Variants in SRPK2 observed in about 807,000 individuals in gnomAD.
SRPK2 encodes the protein SFRS protein kinase 2.
A neutral mutation model predicts 90.8 loss-of-function variants in SRPK2; 21 were observed. The observed-to-expected ratio is 0.23, with a 90% CI of 0.16 to 0.33. SRPK2 has a LOEUF of 0.33. Among genes scored for constraint, SRPK2 ranks in the 10% least tolerant of loss-of-function variants. SRPK2 has a pLI of 1.00. For missense variants in SRPK2, 620 were observed against 869.0 expected (o/e 0.71, Z 3.60); for synonymous variants, 288 against 311.1 (o/e 0.93, Z 0.78).
intron 2 of SRPK2, among the ~76,000 whole-genome samples, chr7:105,374,002 C>G (rs1251960644): frequency 6.6e-6 from 1 of 152,166 alleles, no homozygotes; most frequent in Non-Finnish European, 1.5e-5. Context: ...ATCTTGGCTC[C>G]CTGCAACGTC....
chr7:105,283,150 T>C (rs1042266865), intron 2 of SRPK2, among the ~76,000 whole-genome samples: 1 of 152,224 alleles, frequency 6.6e-6, no homozygotes, highest in Admixed American at 6.5e-5. Context: ...TACCTATTAT[T>C]GGTGAGGAGA....
intron 2 of SRPK2, among the ~76,000 whole-genome samples, chr7:105,219,817 A>T (rs1797884913): frequency 6.6e-6 from 1 of 152,218 alleles, no homozygotes; most frequent in Admixed American, 6.5e-5. Context: ...TTTCCTACTC[A>T]TTTATTTTCC....
chr7:105,169,046 A>C (rs1790469151), intron 4 of SRPK2, 111 bp downstream of exon 4: 1 of 852,806 alleles, frequency 1.2e-6, no homozygotes, highest in Non-Finnish European at 1.8e-6. Context: ...GCCTGTGCTA[A>C]GCACTTCACA....
chr7:105,128,789 T>C (rs1298384740), intron 13 of SRPK2, among the ~76,000 whole-genome samples: 1 of 152,174 alleles, frequency 6.6e-6, no homozygotes, highest in Non-Finnish European at 1.5e-5. Context: ...ACTCAACCTC[T>C]TGGGCTCCAG....
chr7:105,262,372 C>T (rs1804419414), intron 2 of SRPK2, among the ~76,000 whole-genome samples: 1 of 152,080 alleles, frequency 6.6e-6, no homozygotes, highest in Admixed American at 6.5e-5. Flanking sequence ...CTTGGACAGA[C>T]CTAAGGTGGC....
chr7:105,157,574 A>G (rs1386509897), intron 7 of SRPK2, among the ~76,000 whole-genome samples: 1 of 152,092 alleles, frequency 6.6e-6, no homozygotes, highest in Admixed American at 6.5e-5. Flanking sequence ...TCCAGATTCC[A>G]TGATAATATT....
At chr7:105,394,574 C>T (rs141719916) in intron 1 of SRPK2, among the ~76,000 whole-genome samples, 50 of 152,348 alleles carry the variant, frequency 3.3e-4, no homozygotes, top group African/African-American at 1.1e-3. Context: ...TACTAGTCCT[C>T]ATAGGTCAGT....
At chr7:105,290,197 CA>C (rs56311004) in intron 2 of SRPK2, among the ~76,000 whole-genome samples, 4,682 of 133,734 alleles carry the variant, frequency 0.035, 75 homozygotes, top group East Asian at 0.074. Context: ...ACAGGCTCTT[CA>C]AAAAAAAAAA....
intron 2 of SRPK2, among the ~76,000 whole-genome samples, chr7:105,205,509 TCTCTCTCTCA>T (rs1796082208): frequency 1.5e-5 from 1 of 67,334 alleles, no homozygotes; most frequent in East Asian, 3.4e-4. Context: ...TCTCTCTCTC[TCTCTCTCTCA>T]CACACACACA....
chr7:105,310,310 G>A (rs1403121689), intron 2 of SRPK2, among the ~76,000 whole-genome samples: 5 of 152,142 alleles, frequency 3.3e-5, no homozygotes, highest in Admixed American at 2.6e-4. Flanking sequence ...TGCACAGAAC[G>A]CAGCAAGGCT....
At chr7:105,200,419 TA>T (rs2129609224) in intron 3 of SRPK2, among the ~76,000 whole-genome samples, 1 of 152,078 alleles carries the variant, frequency 6.6e-6, no homozygotes, top group Admixed American at 6.6e-5. Context: ...TCAAAACATA[TA>T]AGGAGAGTAA....
intron 2 of SRPK2, chr7:105,302,037 T>C: frequency 1.3e-6 from 2 of 1,569,700 alleles, no homozygotes; most frequent in Admixed American, 1.7e-5. Context: ...TGGAACTGGG[T>C]TGATGTTGTG....
chr7:105,116,152 G>A (rs563836721), downstream of SRPK2, among the ~76,000 whole-genome samples: 3 of 152,122 alleles, frequency 2.0e-5, no homozygotes, highest in African/African-American at 7.2e-5. Context: ...TGGATGAAAA[G>A]GGATCATTGA....
At chr7:105,223,921 A>G (rs1297200483) in intron 2 of SRPK2, among the ~76,000 whole-genome samples, 1 of 152,224 alleles carries the variant, frequency 6.6e-6, no homozygotes, top group African/African-American at 2.4e-5. Flanking sequence ...TAACATATAA[A>G]AAATATTGCT....
rs1243147078 is a variant in SRPK2, at chr7:105,132,662, C to T, written c.1752+129G>A. ...CTGCGGCAGCAACCTTCCCCTCACC[C>T]AGCCCACGGTGGATGACCCTTACAG... On this transcript the variant is annotated intron_variant, in intron 13 of 15. Transcript: ENST00000393651. 6 of 704,110 alleles carry T rather than the reference C, an allele frequency of 8.5e-6. No individual in the cohort carries two copies. In the East Asian group the frequency reaches 1.6e-4, roughly 19 times the overall value. 43.6% of individuals were successfully genotyped at this position (704,110 alleles called of 1,614,324 possible).
At chr7:105,321,426 T>C (rs10953475) in intron 2 of SRPK2, among the ~76,000 whole-genome samples, 63,851 of 152,084 alleles carry the variant, frequency 0.42, 15,376 homozygotes, top group Non-Finnish European at 0.54. Flanking sequence ...AACAGATTCT[T>C]AGATATAACA....
At chr7:105,296,611 T>C (rs73715557) in intron 2 of SRPK2, among the ~76,000 whole-genome samples, 1,789 of 152,320 alleles carry the variant, frequency 0.012, 32 homozygotes, top group African/African-American at 0.041. Flanking sequence ...GGAAGTCCAC[T>C]GGCTTTACAA....
chr7:105,211,445 G>T (rs187464526), intron 2 of SRPK2, among the ~76,000 whole-genome samples: 70 of 152,202 alleles, frequency 4.6e-4, no homozygotes, highest in African/African-American at 1.7e-3. Flanking sequence ...GGCTATACAG[G>T]AAGAATGATG....
intron 2 of SRPK2, among the ~76,000 whole-genome samples, chr7:105,327,812 G>T (rs746224185): frequency 1.1e-4 from 16 of 152,170 alleles, no homozygotes; most frequent in Non-Finnish European, 1.6e-4. Flanking sequence ...TTTTGTTTCT[G>T]TTTTTTGAGA....
Sources: gnomAD v4.1 joint callset for allele counts (sites outside exome capture counted in the v4.1 genomes callset) on GRCh38, gnomAD v4.1.1 for gene constraint, MANE v1.5 for transcripts, NCBI Gene and HGNC (gene_info 2026-07-23, HGNC 2026-07-21) for gene names.